The following ANKS1A variants were observed in gnomAD, a reference collection of about 807,000 sequenced individuals.
The protein encoded by ANKS1A is ankyrin repeat and SAM domain-containing protein 1A.
In ANKS1A, 55 loss-of-function variants were observed where a neutral mutation model predicts 120.3. The observed-to-expected ratio is 0.46, with a 90% CI of 0.37 to 0.57. The LOEUF (loss-of-function observed/expected upper bound fraction) is 0.57, where lower values mean the gene tolerates loss of function less well. Among genes scored for constraint, ANKS1A ranks in the 20% least tolerant of loss-of-function variants. The pLI is 0.00. For synonymous variants in ANKS1A, 590 were observed against 604.7 expected (o/e 0.98, Z 0.36); for missense variants, 1,123 against 1,480.3 (o/e 0.76, Z 3.96).
At chr6:34,942,858 C>G (rs1769599210) in intron 1 of ANKS1A, among the ~76,000 whole-genome samples, 1 of 148,716 alleles carries the variant, frequency 6.7e-6, no homozygotes, top group African/African-American at 2.5e-5. Flanking sequence ...CTTTTCTTTT[C>G]TTTTTTCTCT....
chr6:34,898,131 C>CAGGTG (rs1294809067), intron 1 of ANKS1A, among the ~76,000 whole-genome samples: 1 of 152,190 alleles, frequency 6.6e-6, no homozygotes, highest in African/African-American at 2.4e-5. Context: ...TAATGGGAGC[C>CAGGTG]AGGTGCTTGC....
intron 13 of ANKS1A, among the ~76,000 whole-genome samples, chr6:35,070,514 C>T (rs1369118506): frequency 1.0e-5 from 1 of 99,484 alleles, no homozygotes; most frequent in Non-Finnish European, 1.9e-5. Context: ...TTTTTTGAGA[C>T]AGTCTCACTC....
At chr6:34,941,106 G>A (rs1033048049) in intron 1 of ANKS1A, among the ~76,000 whole-genome samples, 1 of 151,746 alleles carries the variant, frequency 6.6e-6, no homozygotes, top group African/African-American at 2.4e-5. Context: ...TCCTGCCTCA[G>A]CCTCCTGAGT....
chr6:35,039,245 C>A (rs1775337968), intron 11 of ANKS1A, among the ~76,000 whole-genome samples: 1 of 127,954 alleles, frequency 7.8e-6, no homozygotes. Flanking sequence ...GTTGCCCAGG[C>A]TGGAGTGCAG....
chr6:34,950,598 G>A (rs1770045479), intron 1 of ANKS1A, among the ~76,000 whole-genome samples: 1 of 152,112 alleles, frequency 6.6e-6, no homozygotes, highest in Non-Finnish European at 1.5e-5. Context: ...ATATGACAAG[G>A]GCAAGTGGGG....
chr6:35,070,484 CTTTTT>C (rs869249276), intron 13 of ANKS1A, among the ~76,000 whole-genome samples: 3 of 62,970 alleles, frequency 4.8e-5, no homozygotes, highest in Non-Finnish European at 8.6e-5. Flanking sequence ...AAGCCTTTAT[CTTTTT>C]TTTTTTTTTT....
intron 10 of ANKS1A, among the ~76,000 whole-genome samples, 162 bp downstream of exon 10, chr6:34,994,584 T>C (rs2127538980): frequency 6.6e-6 from 1 of 152,322 alleles, no homozygotes; most frequent in South Asian, 2.1e-4. Context: ...GCTTTTCATT[T>C]CCAATACCTG....
intron 11 of ANKS1A, among the ~76,000 whole-genome samples, chr6:35,041,959 T>G (rs1775481278): frequency 6.6e-6 from 1 of 152,056 alleles, no homozygotes; most frequent in South Asian, 2.1e-4. Flanking sequence ...CTGACATAGA[T>G]GGTAGGTTAA....
Position 35,083,411 on chromosome 6 carries a change from C to G in ANKS1A, c.2908-6C>G, listed in dbSNP as rs1223438940. On this transcript the variant is annotated splice_region_variant and splice_polypyrimidine_tract_variant and intron_variant, in intron 19 of 23. Transcript: ENST00000360359. ...CACTGACAGGGCCACCCCTTGTTTCCTGTAGAAATCTACGGAGCACATGAA... is the reference window on the plus strand; with the variant it reads ...CACTGACAGGGCCACCCCTTGTTTCGTGTAGAAATCTACGGAGCACATGAA... 6.2e-7 allele frequency: 1 copy of G among 1,613,874 alleles called. No individual in the cohort carries two copies. The highest frequency in any genetic ancestry group is 8.5e-7 in the Non-Finnish European group (1 of 1,179,928).
intron 1 of ANKS1A, among the ~76,000 whole-genome samples, chr6:34,953,718 C>T (rs1310448902): frequency 1.3e-5 from 2 of 152,152 alleles, no homozygotes; most frequent in Non-Finnish European, 2.9e-5. Flanking sequence ...CTTTTTCCCT[C>T]TCCCCATAGT....
intron 1 of ANKS1A, among the ~76,000 whole-genome samples, chr6:34,942,684 A>G (rs1769590199): frequency 6.9e-6 from 1 of 144,778 alleles, no homozygotes; most frequent in Non-Finnish European, 1.5e-5. Context: ...CCTGATACTG[A>G]TTTTTTTTTT....
intron 1 of ANKS1A, among the ~76,000 whole-genome samples, chr6:34,955,637 C>T (rs538361257): frequency 6.2e-4 from 95 of 152,200 alleles, no homozygotes; most frequent in Non-Finnish European, 1.2e-3. Context: ...CCCTTCACCC[C>T]GTTTCCTGGA....
intron 1 of ANKS1A, among the ~76,000 whole-genome samples, chr6:34,898,935 C>G (rs1270517320): frequency 6.6e-6 from 1 of 152,134 alleles, no homozygotes; most frequent in East Asian, 1.9e-4. Flanking sequence ...GCTATTAGAA[C>G]AGCTCTGTGA....
intron 11 of ANKS1A, among the ~76,000 whole-genome samples, chr6:35,021,595 T>C (rs753285960): frequency 1.3e-5 from 2 of 152,232 alleles, no homozygotes; most frequent in Non-Finnish European, 2.9e-5. Context: ...CTAGCATGCA[T>C]AAAGTGTTGA....
chr6:34,983,296 A>G (rs1481845761), intron 6 of ANKS1A, 28 bp from the exon 7 acceptor site: 1 of 1,612,722 alleles, frequency 6.2e-7, no homozygotes, highest in Non-Finnish European at 8.5e-7. Context: ...AGCACTTTTT[A>G]TTTTTATTTT....
At chr6:35,021,067 C>T (rs1774307972) in intron 11 of ANKS1A, among the ~76,000 whole-genome samples, 1 of 152,202 alleles carries the variant, frequency 6.6e-6, no homozygotes, top group Non-Finnish European at 1.5e-5. Context: ...CTGTGGATAT[C>T]ACTCTGTAAA....
chr6:35,007,493 C>T (rs878898263), intron 10 of ANKS1A, among the ~76,000 whole-genome samples: 11 of 152,164 alleles, frequency 7.2e-5, no homozygotes, highest in Admixed American at 2.0e-4. Context: ...TTTTGTATAG[C>T]GTAGTCATTT....
intron 1 of ANKS1A, among the ~76,000 whole-genome samples, chr6:34,916,899 G>A (rs538580220): frequency 6.0e-4 from 91 of 152,294 alleles, no homozygotes; most frequent in African/African-American, 1.9e-3. Context: ...AACAGACACC[G>A]CTACTTGTTC....
At chr6:35,081,473 C>T (rs1036615856) in intron 17 of ANKS1A, among the ~76,000 whole-genome samples, 2 of 152,182 alleles carry the variant, frequency 1.3e-5, no homozygotes, top group African/African-American at 4.8e-5. Flanking sequence ...TTGCGTCCTG[C>T]ACTGCCTCCC....
Sources: gnomAD v4.1 joint callset for allele counts (sites outside exome capture counted in the v4.1 genomes callset) on GRCh38, gnomAD v4.1.1 for gene constraint, MANE v1.5 for transcripts, NCBI Gene and HGNC (gene_info 2026-07-23, HGNC 2026-07-21) for gene names.